Variants in APOLD1 observed in about 807,000 individuals in gnomAD.
APOLD1 encodes apolipoprotein L domain-containing protein 1.
A neutral mutation model predicts 15.3 loss-of-function variants in APOLD1; 22 were observed. That is an observed-to-expected ratio of 1.44 (90% CI 1.03 to 2.05). The LOEUF (loss-of-function observed/expected upper bound fraction) is 2.05, where lower values mean the gene tolerates loss of function less well. Ranked by LOEUF, APOLD1 falls within the 30% of genes most tolerant of loss-of-function variation. APOLD1 has a pLI of 0.00. For synonymous variants in APOLD1, 190 were observed against 167.4 expected, an observed-to-expected ratio of 1.13 and a Z score of -1.04; for missense variants, 394 against 353.5, an observed-to-expected ratio of 1.11 and a Z score of -0.92.
intron 1 of APOLD1, among the ~76,000 whole-genome samples, chr12:12,751,867 G>A (rs980590578): frequency 2.4e-4 from 36 of 152,222 alleles, no homozygotes; most frequent in Admixed American, 6.5e-5. Context: ...CAGAGGAAGA[G>A]TCAGTAAAAT....
intron 1 of APOLD1, among the ~76,000 whole-genome samples, chr12:12,758,154 T>C (rs1946872059): frequency 6.6e-6 from 1 of 150,392 alleles, no homozygotes; most frequent in Non-Finnish European, 1.5e-5. Flanking sequence ...GCCAGGATGT[T>C]CTCCATCTCC....
At chr12:12,776,034 A>G (rs1174441197) in intron 1 of APOLD1, among the ~76,000 whole-genome samples, 2 of 151,036 alleles carry the variant, frequency 1.3e-5, no homozygotes, top group Admixed American at 6.6e-5. Context: ...AAACACAACA[A>G]ACAAACAAAA....
intron 1 of APOLD1, among the ~76,000 whole-genome samples, chr12:12,749,204 G>A (rs1009032426): frequency 6.6e-6 from 1 of 152,022 alleles, no homozygotes; most frequent in Admixed American, 6.6e-5. Flanking sequence ...CTTATTTTAT[G>A]AAGATGGCTG....
chr12:12,729,321 C>T (rs74491943), intron 1 of APOLD1, among the ~76,000 whole-genome samples: 2,231 of 150,480 alleles, frequency 0.015, 51 homozygotes, highest in African/African-American at 0.051. Flanking sequence ...AGAAATGAAA[C>T]CATAGACATG....
intron 1 of APOLD1, among the ~76,000 whole-genome samples, chr12:12,741,973 C>T (rs1946731777): frequency 6.6e-6 from 1 of 152,144 alleles, no homozygotes; most frequent in Admixed American, 6.5e-5. Flanking sequence ...GACACTCGAT[C>T]CTAAATTATT....
intron 1 of APOLD1, among the ~76,000 whole-genome samples, chr12:12,774,546 C>CAAAAAAAA (rs57343706): frequency 3.4e-3 from 142 of 42,324 alleles, no homozygotes; most frequent in Non-Finnish European, 4.7e-3. Flanking sequence ...ACTCTAACTC[C>CAAAAAAAA]AAAAAAAAAA....
rs1946896419 is a variant in APOLD1, at chr12:12,761,247, G to A, written c.97-25662G>A. Among the ~76,000 whole-genome samples the A allele has an allele frequency of 2.0e-5, 3 of 152,116 alleles. No homozygotes were observed. The South Asian group carries it at 6.2e-4, about 32-fold the overall frequency. On this transcript the variant is annotated intron_variant, in intron 1 of 1. Transcript: ENST00000326765. ...TTTCCTTGAAATAAAGCTGATTGAA[G>A]GATTATGTTGTCTGAATAGCTGTAG...
At chr12:12,748,476 T>G (rs75874358) in intron 1 of APOLD1, among the ~76,000 whole-genome samples, 6,817 of 152,294 alleles carry the variant, frequency 0.045, 403 homozygotes, top group East Asian at 0.18. Flanking sequence ...AAACAATATT[T>G]TTTTGTGAAT....
At chr12:12,758,228 G>T (rs892534808) in intron 1 of APOLD1, among the ~76,000 whole-genome samples, 5 of 149,772 alleles carry the variant, frequency 3.3e-5, no homozygotes, top group Admixed American at 6.7e-5. Flanking sequence ...GAACCACCAC[G>T]CCTGAACTAA....
chr12:12,751,942 A>C (rs1592296427), intron 1 of APOLD1, among the ~76,000 whole-genome samples: 1 of 152,214 alleles, frequency 6.6e-6, no homozygotes, highest in East Asian at 1.9e-4. Flanking sequence ...AGAAGCCGTA[A>C]GTCAAGGAAT....
At chr12:12,728,181 G>C (rs1946608534) in intron 1 of APOLD1, among the ~76,000 whole-genome samples, 1 of 151,914 alleles carries the variant, frequency 6.6e-6, no homozygotes, top group Admixed American at 6.6e-5. Flanking sequence ...TGACCAGGCT[G>C]GTATTGAATG....
At position 12,790,752 on chromosome 12, in the gene APOLD1, C is replaced by T. The variant is rs770411919; in HGVS notation, c.*3100C>T. On this transcript the variant is annotated 3_prime_UTR_variant, in exon 2 of 2. Coordinates refer to ENST00000356591, the MANE Select transcript of APOLD1 (RefSeq NM_030817.3). ...TTGTTGACAACAAAAGATCATCCAT[C>T]GCCTTATGTGTGAGTAAGATTGGAG... is the stretch of plus-strand genomic sequence containing the variant. 28 of 152,226 alleles carry T rather than the reference C, an allele frequency of 1.8e-4. 1 individual carries two copies. The highest frequency in any genetic ancestry group is 6.0e-4 in the African/African-American group (25 of 41,464). 9.4% of individuals were successfully genotyped at this position (152,226 alleles called of 1,614,324 possible).
chr12:12,750,975 G>C (rs1946808884), intron 1 of APOLD1, among the ~76,000 whole-genome samples: 1 of 150,710 alleles, frequency 6.6e-6, no homozygotes, highest in Admixed American at 6.6e-5. Flanking sequence ...TTTTGGTAGA[G>C]ATGGGATTTC....
chr12:12,737,684 G>A (rs1242431729), intron 1 of APOLD1, among the ~76,000 whole-genome samples: 2 of 152,148 alleles, frequency 1.3e-5, no homozygotes, highest in African/African-American at 2.4e-5. Flanking sequence ...GAGAAGGAGG[G>A]AGCTGGGCGC....
intron 1 of APOLD1, among the ~76,000 whole-genome samples, chr12:12,750,372 C>CAAAAAAA (rs34629361): frequency 2.1e-4 from 16 of 75,372 alleles, no homozygotes; most frequent in Non-Finnish European, 3.0e-4. Context: ...GACTCTGTCT[C>CAAAAAAA]AAAAAAAAAA....
intron 1 of APOLD1, among the ~76,000 whole-genome samples, chr12:12,762,750 G>A (rs534472626): frequency 2.0e-5 from 3 of 152,140 alleles, no homozygotes; most frequent in African/African-American, 7.2e-5. Context: ...CATTTGGCAT[G>A]GGAGCCTGAG....
chr12:12,770,962 T>G (rs921863226), intron 1 of APOLD1, among the ~76,000 whole-genome samples: 1 of 152,118 alleles, frequency 6.6e-6, no homozygotes, highest in African/African-American at 2.4e-5. Flanking sequence ...ATATTTAATG[T>G]GTTGAGAGAA....
intron 1 of APOLD1, among the ~76,000 whole-genome samples, chr12:12,769,329 G>C (rs1946966939): frequency 6.6e-6 from 1 of 151,980 alleles, no homozygotes; most frequent in Non-Finnish European, 1.5e-5. Flanking sequence ...ATAAGAGATG[G>C]GAGGTCATAG....
chr12:12,766,775 G>A (rs576564185), intron 1 of APOLD1, among the ~76,000 whole-genome samples: 62 of 152,188 alleles, frequency 4.1e-4, no homozygotes, highest in African/African-American at 1.4e-3. Flanking sequence ...CTTGAACCCG[G>A]GAGGTGGAGG....
Sources: gnomAD v4.1 joint callset for allele counts (sites outside exome capture counted in the v4.1 genomes callset) on GRCh38, gnomAD v4.1.1 for gene constraint, MANE v1.5 for transcripts, NCBI Gene and HGNC (gene_info 2026-07-23, HGNC 2026-07-21) for gene names.